The following LTBP2 variants were observed in gnomAD, a reference collection of about 807,000 sequenced individuals.
The protein encoded by LTBP2 is latent-transforming growth factor beta-binding protein 2.
In LTBP2, 103 loss-of-function variants were observed where a neutral mutation model predicts 210.6. That is an observed-to-expected ratio of 0.49 (90% CI 0.42 to 0.58). LTBP2 has a LOEUF of 0.58. LTBP2 is among the 20% of genes least tolerant of loss of function. LTBP2 has a pLI of 0.00. For missense variants in LTBP2, 2,313 were observed against 2,494.5 expected (o/e 0.93, Z 1.55); for synonymous variants, 1,007 against 1,015.0 (o/e 0.99, Z 0.15).
Position 74,521,939 on chromosome 14 carries a change from G to A in LTBP2, c.2760C>T (p.Ala920=), listed in dbSNP as rs746247764. 6 of 1,614,082 alleles carry A rather than the reference G, an allele frequency of 3.7e-6. No homozygotes were observed. The highest frequency in any genetic ancestry group is 1.1e-5 in the South Asian group (1 of 91,088). Reference sequence around the variant, plus strand: ...GACACTCCTGTGTCGCCCCTGAGGTGGCCAGAGTGTAGCCAGGGTAGCAGA... The same window carrying A: ...GACACTCCTGTGTCGCCCCTGAGGTAGCCAGAGTGTAGCCAGGGTAGCAGA... ...SCFCYPGYTL[A]TSGATQECQD... Residue 920 remains alanine (A), a synonymous_variant, in exon 17 of 36, where the codon GCC becomes GCT. Transcript: ENST00000261978.
chr14:74,609,027 C>T (rs1005017275), intron 1 of LTBP2, among the ~76,000 whole-genome samples: 1 of 152,202 alleles, frequency 6.6e-6, no homozygotes, highest in Non-Finnish European at 1.5e-5. Flanking sequence ...TGAAGAAGCT[C>T]CAGTAGCAGT....
At chr14:74,568,503 G>T (rs1019230388) in intron 3 of LTBP2, among the ~76,000 whole-genome samples, 3 of 152,076 alleles carry the variant, frequency 2.0e-5, no homozygotes, top group African/African-American at 7.2e-5. Context: ...GTGCTGGCAT[G>T]GTGTTCAGGG....
At chr14:74,539,703 C>T (rs539329215) in intron 8 of LTBP2, among the ~76,000 whole-genome samples, 12 of 152,036 alleles carry the variant, frequency 7.9e-5, no homozygotes, top group African/African-American at 1.9e-4. Context: ...GAGACGGAGA[C>T]GGAGACTGAG....
intron 15 of LTBP2, among the ~76,000 whole-genome samples, chr14:74,524,183 T>C (rs914048354): frequency 6.6e-6 from 1 of 152,088 alleles, no homozygotes; most frequent in Non-Finnish European, 1.5e-5. Flanking sequence ...CCATTTTCCT[T>C]GTCAGAAATT....
chr14:74,506,229 G>A (rs765455221), intron 27 of LTBP2, 38 bp from the exon 28 acceptor site: 123 of 1,613,764 alleles, frequency 7.6e-5, no homozygotes, highest in Non-Finnish European at 1.0e-4. Context: ...GCAGAAAAGA[G>A]GCAGCCCGTG....
At chr14:74,562,941 A>G (rs958712507) in intron 3 of LTBP2, among the ~76,000 whole-genome samples, 1 of 152,154 alleles carries the variant, frequency 6.6e-6, no homozygotes, top group African/African-American at 2.4e-5. Context: ...CTTCTGTGGT[A>G]GGTGTTGCTG....
intron 3 of LTBP2, among the ~76,000 whole-genome samples, chr14:74,581,128 G>A: frequency 6.6e-6 from 1 of 152,184 alleles, no homozygotes; most frequent in East Asian, 1.9e-4. Context: ...TGTCAGACAG[G>A]CTTTGGGGCC....
chr14:74,587,815 A>G (rs1289129030), intron 2 of LTBP2, among the ~76,000 whole-genome samples: 3 of 152,126 alleles, frequency 2.0e-5, no homozygotes, highest in African/African-American at 7.2e-5. Flanking sequence ...CGGGATAAAC[A>G]TCTCCAAAAT....
In LTBP2 at chr14:74,508,737, GA is replaced by G. The variant is rs1566615581; in HGVS notation, c.3527-9del. The G allele has an allele frequency of 1.2e-6, 2 of 1,613,496 alleles. No individual in the cohort carries two copies. The highest frequency in any genetic ancestry group is 1.7e-6 in the Non-Finnish European group (2 of 1,179,826). On this transcript the variant is annotated splice_polypyrimidine_tract_variant and intron_variant, in intron 23 of 35. Transcript: ENST00000261978. ...CCATGCACTCATTCACATCTGCAGG[GA>G]AAAGATGGGGAGTGGGTGTCTGCTG... is the stretch of plus-strand genomic sequence containing the variant.
intron 15 of LTBP2, among the ~76,000 whole-genome samples, chr14:74,524,336 C>G (rs964284750): frequency 6.6e-6 from 1 of 152,122 alleles, no homozygotes; most frequent in Admixed American, 6.5e-5. Flanking sequence ...ACTCCCCACT[C>G]TCTGGACTGT....
chr14:74,513,680 G>A (rs1364977310), intron 18 of LTBP2, among the ~76,000 whole-genome samples: 2 of 152,224 alleles, frequency 1.3e-5, no homozygotes, highest in Non-Finnish European at 2.9e-5. Context: ...GTGGGCACCT[G>A]TAGTCCCAGC....
Position 74,532,536 on chromosome 14 carries a change from C to T in LTBP2, c.1877G>A (p.Cys626Tyr). Reference protein sequence around the residue: ...NLTHCQDINECLTLGLCKDAE... With the variant: ...NLTHCQDINEYLTLGLCKDAE... ...GTCCTTGCACAGGCCCAGGGTCAAG[C>T]ACTCGTTGATATCTGCAGGGTTGGA... Residue 626 changes from cysteine (C) to tyrosine (Y), a missense_variant, in exon 10 of 36, where the codon TGC (cysteine) becomes TAC (tyrosine). Around this residue, in one of 3 missense-constraint regions of LTBP2, gnomAD observed 1,867 missense variants for 1,976.9 expected, o/e 0.94. Transcript: ENST00000261978. 6.2e-7 allele frequency: 1 copy of T among 1,614,120 alleles called. No homozygotes were observed. Among genetic ancestry groups the T allele is most frequent in the East Asian group, 2.2e-5 (1 of 44,888 alleles).
intron 21 of LTBP2, 95 bp downstream of exon 21, chr14:74,509,639 G>A (rs2087043353): frequency 8.3e-6 from 13 of 1,566,264 alleles, no homozygotes; most frequent in African/African-American, 2.7e-5. Flanking sequence ...GGAGCCCCTC[G>A]GCATCAGCCC....
intron 2 of LTBP2, among the ~76,000 whole-genome samples, chr14:74,594,898 C>T (rs2088337037): frequency 6.6e-6 from 1 of 152,214 alleles, no homozygotes; most frequent in Non-Finnish European, 1.5e-5. Context: ...ACTGAGGACC[C>T]GAGCCCCCAG....
At chr14:74,578,855 T>TTTTG (rs1430966712) in intron 3 of LTBP2, among the ~76,000 whole-genome samples, 1 of 152,058 alleles carries the variant, frequency 6.6e-6, no homozygotes, top group Non-Finnish European at 1.5e-5. Flanking sequence ...CACCTAGGCT[T>TTTTG]TTTGTTTGTT....
At chr14:74,528,357 G>C (rs1203384331) in intron 12 of LTBP2, 126 bp downstream of exon 12, 8 of 1,101,208 alleles carry the variant, frequency 7.3e-6, no homozygotes, top group African/African-American at 1.5e-5. Context: ...GCTGCTCCAA[G>C]CTCCCTTTCC....
At chr14:74,508,191 G>T in intron 24 of LTBP2, 96 bp from the exon 25 acceptor site, 3 of 1,445,544 alleles carry the variant, frequency 2.1e-6, no homozygotes, top group Non-Finnish European at 2.9e-6. Context: ...GCCCATAGGA[G>T]AGTCAGGGAG....
intron 3 of LTBP2, among the ~76,000 whole-genome samples, chr14:74,577,914 G>A (rs987802778): frequency 2.0e-5 from 3 of 152,126 alleles, no homozygotes; most frequent in Admixed American, 1.3e-4. Flanking sequence ...CCGAGCACAC[G>A]TTGGTCTTCT....
intron 17 of LTBP2, among the ~76,000 whole-genome samples, chr14:74,521,367 G>A (rs2087199498): frequency 6.6e-6 from 1 of 152,206 alleles, no homozygotes; most frequent in South Asian, 2.1e-4. Flanking sequence ...GGGGTGTTTT[G>A]CATCATTAAA....
Sources: gnomAD v4.1 joint callset for allele counts (sites outside exome capture counted in the v4.1 genomes callset) on GRCh38, gnomAD v4.1.1 for gene constraint, gnomAD v4.1.1 regional missense constraint, MANE v1.5 for transcripts, NCBI Gene and HGNC (gene_info 2026-07-23, HGNC 2026-07-21) for gene names.